The following SLC30A8 variants were observed in gnomAD, a reference collection of about 807,000 sequenced individuals.
SLC30A8 encodes proton-coupled zinc antiporter SLC30A8.
SLC30A8 carries 27 observed loss-of-function variants against 36.9 expected under a neutral mutation model. That is an observed-to-expected ratio of 0.73 (90% CI 0.54 to 1.01). SLC30A8 has a LOEUF of 1.01. SLC30A8 is among the 50% of genes least tolerant of loss of function. SLC30A8 has a pLI of 0.00. For synonymous variants in SLC30A8, 164 were observed against 172.4 expected (o/e 0.95, Z 0.38); for missense variants, 439 against 452.0 (o/e 0.97, Z 0.26).
chr8:116,969,925 T>TTTTTAAAA (rs1332289649), intron 1 of SLC30A8, among the ~76,000 whole-genome samples: 1 of 152,190 alleles, frequency 6.6e-6, no homozygotes, highest in East Asian at 1.9e-4. Context: ...TTTTAAACAC[T>TTTTTAAAA]GTATGCTTAG....
intron 2 of SLC30A8, among the ~76,000 whole-genome samples, chr8:117,110,173 T>G (rs1820162684): frequency 6.6e-6 from 1 of 152,142 alleles, no homozygotes; most frequent in Admixed American, 6.5e-5. Flanking sequence ...GCTATTGATG[T>G]TTGGCGTGGG....
At position 117,174,922 on chromosome 8, in the gene SLC30A8, G is replaced by GA. The variant is rs1823596916; in HGVS notation, c.*2247dup. The stretch of plus-strand genomic sequence containing the variant: ...AGGGAGATTTTAAGGATTTTGAGAT[G>GA]AAAAAACAGATGCTACTCAGGGGCT... On this transcript the variant is annotated 3_prime_UTR_variant, in exon 8 of 8. Coordinates refer to ENST00000456015, the MANE Select transcript of SLC30A8 (RefSeq NM_173851.3). 1.3e-5 allele frequency: 2 copies of GA among 152,092 alleles called. No homozygotes were observed. Among genetic ancestry groups the GA allele is most frequent in the Non-Finnish European group, 1.5e-5 (1 of 67,984 alleles). The allele number at this position is 152,092 out of a possible 1,614,324, so 9.4% of individuals were successfully genotyped here.
chr8:117,134,456 A>G (rs1473747296), upstream of SLC30A8, among the ~76,000 whole-genome samples: 1 of 152,010 alleles, frequency 6.6e-6, no homozygotes, highest in Non-Finnish European at 1.5e-5. Context: ...CTTTGTATGA[A>G]GTAAAATGCT....
chr8:116,973,939 A>G lies in SLC30A8; in HGVS notation c.-266+22820A>G, dbSNP rs865814461. 5.6e-4 allele frequency among the ~76,000 whole-genome samples: 86 copies of G among 152,230 alleles called. 1 individual carries two copies. The highest frequency in any genetic ancestry group is 2.1e-3 in the African/African-American group (85 of 41,460). On this transcript the variant is annotated intron_variant, in intron 1 of 10. Coordinates refer to the SLC30A8 transcript ENST00000427715. ...ACCTGACAAAAACAAGAAATGGGGC[A>G]AGGATTCCCTATTTAATAAATGGTG...
At chr8:117,111,794 T>G (rs1301749586) in intron 2 of SLC30A8, among the ~76,000 whole-genome samples, 2 of 152,152 alleles carry the variant, frequency 1.3e-5, no homozygotes, top group African/African-American at 4.8e-5. Context: ...AGTGGGAAAC[T>G]AACTCCCCAA....
At chr8:117,157,977 G>A in intron 4 of SLC30A8, 133 bp downstream of exon 4, 1 of 991,374 alleles carries the variant, frequency 1.0e-6, no homozygotes, top group Non-Finnish European at 1.4e-6. Context: ...ATGGCTCTAA[G>A]ATTGAAAATA....
At chr8:117,055,104 A>C (rs1312241765) in intron 2 of SLC30A8, among the ~76,000 whole-genome samples, 1 of 152,168 alleles carries the variant, frequency 6.6e-6, no homozygotes, top group Non-Finnish European at 1.5e-5. Flanking sequence ...TTTGATGATA[A>C]TGAGCTTCAA....
intron 2 of SLC30A8, among the ~76,000 whole-genome samples, chr8:117,049,348 C>T (rs1255723934): frequency 1.1e-4 from 17 of 152,216 alleles, no homozygotes; most frequent in Admixed American, 1.0e-3. Context: ...GTTACAGAAA[C>T]ACATGAAGAG....
intron 1 of SLC30A8, among the ~76,000 whole-genome samples, chr8:117,033,532 T>G (rs1219998320): frequency 2.0e-5 from 3 of 152,204 alleles, no homozygotes; most frequent in African/African-American, 7.2e-5. Context: ...ATGAAATGTT[T>G]TGGAAGTAGA....
chr8:117,097,416 A>AAT (rs1819431540), intron 2 of SLC30A8, among the ~76,000 whole-genome samples: 1 of 104,676 alleles, frequency 9.6e-6, no homozygotes, highest in African/African-American at 4.3e-5. Flanking sequence ...AAAAAAAAAA[A>AAT]AAATATATAT....
intron 2 of SLC30A8, among the ~76,000 whole-genome samples, chr8:117,103,736 A>G (rs116853530): frequency 0.034 from 5,239 of 152,206 alleles, 130 homozygotes; most frequent in South Asian, 0.068. Flanking sequence ...CCCTAAGTGC[A>G]AGAATTATAA....
At chr8:117,059,923 G>T (rs1436317098) in intron 2 of SLC30A8, among the ~76,000 whole-genome samples, 1 of 152,092 alleles carries the variant, frequency 6.6e-6, no homozygotes. Context: ...AAAGTAATGA[G>T]GTTCTGAGCT....
At chr8:117,141,125 A>C (rs1821632746) in intron 1 of SLC30A8, among the ~76,000 whole-genome samples, 1 of 152,160 alleles carries the variant, frequency 6.6e-6, no homozygotes, top group East Asian at 1.9e-4. Context: ...AACTCATCAC[A>C]AATTCTTCCC....
intron 2 of SLC30A8, among the ~76,000 whole-genome samples, chr8:117,039,687 G>C (rs1315640273): frequency 6.6e-6 from 1 of 152,182 alleles, no homozygotes; most frequent in Non-Finnish European, 1.5e-5. Flanking sequence ...TGAGGGCAAT[G>C]GTTTGTACTC....
intron 1 of SLC30A8, among the ~76,000 whole-genome samples, chr8:117,020,029 G>A (rs1816650871): frequency 1.3e-5 from 2 of 152,178 alleles, no homozygotes; most frequent in African/African-American, 4.8e-5. Context: ...AGGCACAGCT[G>A]AGCACAGGAT....
intron 2 of SLC30A8, among the ~76,000 whole-genome samples, chr8:117,117,487 A>C (rs1820491674): frequency 6.6e-6 from 1 of 152,062 alleles, no homozygotes; most frequent in Non-Finnish European, 1.5e-5. Flanking sequence ...TTGGGAAGGA[A>C]GATGCTTTAT....
At chr8:117,133,026 T>C (rs13279687), upstream of SLC30A8, among the ~76,000 whole-genome samples, 34,798 of 151,926 alleles carry the variant, frequency 0.23, 4,145 homozygotes, top group East Asian at 0.33. Context: ...ATTAATTTCC[T>C]AGTACTTTAT....
intron 2 of SLC30A8, among the ~76,000 whole-genome samples, chr8:117,116,524 T>A (rs1383948234): frequency 2.0e-5 from 3 of 152,030 alleles, no homozygotes; most frequent in Non-Finnish European, 2.9e-5. Flanking sequence ...GTGTACTCTT[T>A]CTATTCTGCT....
intron 1 of SLC30A8, among the ~76,000 whole-genome samples, chr8:117,141,773 A>G (rs533390142): frequency 6.6e-6 from 1 of 152,278 alleles, no homozygotes; most frequent in African/African-American, 2.4e-5. Context: ...TCAACGTGGT[A>G]CTGTGTGTTC....
Sources: gnomAD v4.1 joint callset for allele counts (sites outside exome capture counted in the v4.1 genomes callset) on GRCh38, gnomAD v4.1.1 for gene constraint, MANE v1.5 for transcripts, NCBI Gene and HGNC (gene_info 2026-07-23, HGNC 2026-07-21) for gene names.